RAD51B: variants seen among roughly 807,000 people sequenced by gnomAD.
RAD51B encodes the protein DNA repair protein RAD51 homolog 2.
In RAD51B, 38 loss-of-function variants were observed where a neutral mutation model predicts 42.2. That is an observed-to-expected ratio of 0.90 (90% confidence interval 0.70 to 1.18). The LOEUF is 1.18. RAD51B is among the 50% of genes most tolerant of loss of function. RAD51B has a pLI of 0.00. For missense variants in RAD51B, 373 were observed against 400.7 expected, an observed-to-expected ratio of 0.93 and a Z score of 0.59; for synonymous variants, 154 against 145.2, an observed-to-expected ratio of 1.06 and a Z score of -0.43.
intron 7 of RAD51B, among the ~76,000 whole-genome samples, chr14:68,144,216 T>C (rs1019295540): frequency 6.6e-5 from 10 of 152,224 alleles, no homozygotes; most frequent in Non-Finnish European, 2.9e-5. Flanking sequence ...TTGCTGTCTG[T>C]CTAGCCCCAG....
chr14:68,347,149 C>G (rs2082692824), intron 8 of RAD51B, among the ~76,000 whole-genome samples: 1 of 152,006 alleles, frequency 6.6e-6, no homozygotes, highest in Non-Finnish European at 1.5e-5. Flanking sequence ...ACTGAAAGAT[C>G]TTAGGGACAA....
chr14:68,224,510 C>G (rs932055755), intron 7 of RAD51B, among the ~76,000 whole-genome samples: 1 of 152,124 alleles, frequency 6.6e-6, no homozygotes, highest in African/African-American at 2.4e-5. Context: ...TTGTGAAAAG[C>G]CTTTCGGGTT....
chr14:68,132,208 G>A (rs138380525), intron 7 of RAD51B, among the ~76,000 whole-genome samples: 6 of 152,312 alleles, frequency 3.9e-5, no homozygotes, highest in Non-Finnish European at 8.8e-5. Context: ...AGGGAATCTT[G>A]ACTCATAATC....
At chr14:68,208,538 T>C (rs185198983) in intron 7 of RAD51B, among the ~76,000 whole-genome samples, 1 of 152,378 alleles carries the variant, frequency 6.6e-6, no homozygotes, top group East Asian at 1.9e-4. Context: ...ATGCAGTATA[T>C]AAACAATAAA....
intron 10 of RAD51B, among the ~76,000 whole-genome samples, chr14:68,567,285 G>A (rs558374064): frequency 1.3e-5 from 2 of 151,688 alleles, no homozygotes; most frequent in East Asian, 3.9e-4. Context: ...GGGTGACAGA[G>A]TAAGACTCTG....
intron 10 of RAD51B, among the ~76,000 whole-genome samples, chr14:68,484,250 A>G (rs1883428066): frequency 6.6e-6 from 1 of 151,656 alleles, no homozygotes; most frequent in African/African-American, 2.4e-5. Flanking sequence ...GAGCCAGCCC[A>G]CTCACTCTCC....
At chr14:67,858,233 G>A (rs951814330) in intron 4 of RAD51B, among the ~76,000 whole-genome samples, 6 of 152,218 alleles carry the variant, frequency 3.9e-5, no homozygotes, top group Non-Finnish European at 1.5e-5. Flanking sequence ...CTGGGTACCC[G>A]CACTTGGTGG....
intron 9 of RAD51B, among the ~76,000 whole-genome samples, chr14:68,443,187 G>A (rs758178988): frequency 6.6e-6 from 1 of 152,160 alleles, no homozygotes; most frequent in Non-Finnish European, 1.5e-5. Flanking sequence ...AATATTTTGC[G>A]GCCAGCTCTG....
chr14:68,629,170 T>G (rs756571926), intron 10 of RAD51B, among the ~76,000 whole-genome samples: 1 of 152,128 alleles, frequency 6.6e-6, no homozygotes, highest in Non-Finnish European at 1.5e-5. Flanking sequence ...CCTCCTGAGG[T>G]TGGGACATTG....
chr14:68,153,525 G>A (rs993302453), intron 7 of RAD51B, among the ~76,000 whole-genome samples: 4 of 152,082 alleles, frequency 2.6e-5, no homozygotes, highest in African/African-American at 9.7e-5. Context: ...TATAATAATA[G>A]CCATTCTGAC....
In RAD51B at chr14:68,370,781, A is replaced by G. The variant is rs376593187; in HGVS notation, c.854-40643A>G. On this transcript the variant is annotated intron_variant, in intron 8 of 10. Coordinates refer to ENST00000471583, the MANE Select transcript of RAD51B (RefSeq NM_133510.4). ...AAGAATTGGCCGGGCGCAGTGGCTC[A>G]TGCCTGTAATCCCAGCACTTTGGGA... Among the ~76,000 whole-genome samples, 64 of 152,340 alleles carry G rather than the reference A, an allele frequency of 4.2e-4. No homozygotes were observed. In the East Asian group the frequency reaches 0.012, roughly 27 times the overall value.
chr14:67,823,410 C>T (rs538778617), intron 1 of RAD51B, 132 bp from the exon 2 acceptor site: 6 of 622,156 alleles, frequency 9.6e-6, no homozygotes, highest in African/African-American at 3.8e-5. Context: ...ATTTTTAACA[C>T]AATATGTTTC....
At chr14:68,156,548 G>A (rs1015471862) in intron 7 of RAD51B, among the ~76,000 whole-genome samples, 2 of 147,566 alleles carry the variant, frequency 1.4e-5, no homozygotes, top group Admixed American at 6.8e-5. Context: ...GTCTTAGTTT[G>A]GAATTAAGCT....
At chr14:68,096,858 C>T (rs1595391730) in intron 7 of RAD51B, among the ~76,000 whole-genome samples, 1 of 152,052 alleles carries the variant, frequency 6.6e-6, no homozygotes, top group Non-Finnish European at 1.5e-5. Context: ...TATCTATGTT[C>T]CTGTTTGATT....
intron 7 of RAD51B, among the ~76,000 whole-genome samples, chr14:67,943,784 T>G (rs768794697): frequency 2.4e-4 from 36 of 152,252 alleles, no homozygotes; most frequent in Admixed American, 4.6e-4. Flanking sequence ...GGTAAACATT[T>G]TGGTTCCTAT....
Position 67,952,682 on chromosome 14 carries a change from C to T in RAD51B, c.756+65478C>T, listed in dbSNP as rs142588717. 3.6e-3 allele frequency among the ~76,000 whole-genome samples: 538 copies of T among 151,144 alleles called. 1 individual carries two copies. Among genetic ancestry groups the T allele is most frequent in the African/African-American group, 0.012 (514 of 41,192 alleles). ...TAAGGATGTCCTCTGAAAAACTGGC[C>T]GGAAGTAGGAGTAGTAGGAGGGGGA... is the stretch of plus-strand genomic sequence containing the variant. On this transcript the variant is annotated intron_variant, in intron 7 of 10. Coordinates refer to ENST00000471583, the MANE Select transcript of RAD51B (RefSeq NM_133510.4).
At chr14:68,204,408 C>G (rs2079546678) in intron 7 of RAD51B, among the ~76,000 whole-genome samples, 1 of 152,164 alleles carries the variant, frequency 6.6e-6, no homozygotes, top group African/African-American at 2.4e-5. Flanking sequence ...ATGGCACCCA[C>G]AAACAATGAC....
chr14:68,479,840 T>G (rs1391047062), downstream of RAD51B, among the ~76,000 whole-genome samples: 2 of 151,636 alleles, frequency 1.3e-5, no homozygotes, highest in Non-Finnish European at 2.9e-5. Context: ...GGCTAATTTT[T>G]TATTTTTTGT....
chr14:67,896,716 CA>C (rs1212910650), intron 7 of RAD51B, among the ~76,000 whole-genome samples: 20 of 152,182 alleles, frequency 1.3e-4, no homozygotes, highest in African/African-American at 3.6e-4. Flanking sequence ...TTTTCAAAGA[CA>C]AAATTTGTTT....
Sources: gnomAD v4.1 joint callset for allele counts (sites outside exome capture counted in the v4.1 genomes callset) on GRCh38, gnomAD v4.1.1 for gene constraint, MANE v1.5 for transcripts, NCBI Gene and HGNC (gene_info 2026-07-23, HGNC 2026-07-21) for gene names.